RIMS1: variants seen among roughly 807,000 people sequenced by gnomAD.
RIMS1 encodes the protein regulating synaptic membrane exocytosis 1.
A neutral mutation model predicts 214.1 loss-of-function variants in RIMS1; 83 were observed. That is an observed-to-expected ratio of 0.39 (90% CI 0.32 to 0.47). RIMS1 has a LOEUF of 0.47. RIMS1 is among the 20% of genes least tolerant of loss of function. The pLI, the probability that RIMS1 is intolerant of heterozygous loss-of-function variation, is 0.99. For synonymous variants in RIMS1, 793 were observed against 786.8 expected (o/e 1.01, Z -0.13); for missense variants, 2,050 against 2,161.8 (o/e 0.95, Z 1.03).
At chr6:71,943,701 C>T (rs189363364) in intron 1 of RIMS1, among the ~76,000 whole-genome samples, 2 of 152,238 alleles carry the variant, frequency 1.3e-5, no homozygotes, top group African/African-American at 4.8e-5. Context: ...CTTTCAAAAG[C>T]AGCAGTTAAT....
intron 6 of RIMS1, among the ~76,000 whole-genome samples, chr6:72,186,852 C>T (rs894605593): frequency 4.6e-5 from 7 of 151,026 alleles, no homozygotes; most frequent in African/African-American, 1.5e-4. Context: ...TCATTCTGGC[C>T]GGGCGCAGTG....
intron 2 of RIMS1, among the ~76,000 whole-genome samples, chr6:72,057,179 A>G (rs981813511): frequency 6.6e-6 from 1 of 152,196 alleles, no homozygotes; most frequent in Non-Finnish European, 1.5e-5. Context: ...GTTAAAAAAA[A>G]TTCAAACTCA....
intron 4 of RIMS1, among the ~76,000 whole-genome samples, chr6:72,157,052 G>T (rs564475969): frequency 7.1e-6 from 1 of 140,196 alleles, no homozygotes; most frequent in African/African-American, 2.5e-5. Context: ...CAATCTGTCC[G>T]TACTTAGGAA....
At chr6:72,249,821 C>A (rs564540199) in intron 12 of RIMS1, among the ~76,000 whole-genome samples, 2 of 152,082 alleles carry the variant, frequency 1.3e-5, no homozygotes, top group Admixed American at 6.6e-5. Context: ...TAAACGGTGC[C>A]TGTATAAAAT....
chr6:72,168,989 A>G (rs1431656467), intron 4 of RIMS1, among the ~76,000 whole-genome samples: 4 of 152,124 alleles, frequency 2.6e-5, no homozygotes, highest in African/African-American at 4.8e-5. Flanking sequence ...AGTACTGGAC[A>G]AGAAAGTTTT....
At chr6:72,326,813 T>C (rs1564084175) in intron 28 of RIMS1, among the ~76,000 whole-genome samples, 2 of 151,718 alleles carry the variant, frequency 1.3e-5, no homozygotes, top group Admixed American at 6.6e-5. Context: ...AGGGAGCTTG[T>C]ACAAGGTTAT....
intron 1 of RIMS1, among the ~76,000 whole-genome samples, chr6:71,945,084 G>A (rs891324498): frequency 6.6e-6 from 1 of 152,116 alleles, no homozygotes; most frequent in African/African-American, 2.4e-5. Flanking sequence ...GAAAGAGATG[G>A]CATGGAAAAA....
intron 2 of RIMS1, among the ~76,000 whole-genome samples, chr6:71,994,089 GTTTGT>G (rs1218225236): frequency 6.6e-6 from 1 of 152,296 alleles, no homozygotes; most frequent in African/African-American, 2.4e-5. Context: ...GATGGTTATA[GTTTGT>G]TTTATCAAGA....
chr6:72,155,189 T>C (rs1274000486), intron 4 of RIMS1, among the ~76,000 whole-genome samples: 5 of 140,750 alleles, frequency 3.6e-5, no homozygotes, highest in African/African-American at 1.2e-4. Flanking sequence ...TAACATGCCC[T>C]GGAGACATTT....
At chr6:72,091,827 C>T (rs1836312124) in intron 2 of RIMS1, among the ~76,000 whole-genome samples, 2 of 152,128 alleles carry the variant, frequency 1.3e-5, no homozygotes, top group South Asian at 4.2e-4. Context: ...GATTTGTGAT[C>T]ATATATTTTG....
intron 26 of RIMS1, among the ~76,000 whole-genome samples, chr6:72,294,026 T>C (rs919406981): frequency 6.6e-6 from 1 of 151,588 alleles, no homozygotes; most frequent in Non-Finnish European, 1.5e-5. Flanking sequence ...GCATGTATTT[T>C]ATATATCTAT....
At chr6:72,370,072 G>A (rs1406020561) in intron 29 of RIMS1, among the ~76,000 whole-genome samples, 3 of 152,172 alleles carry the variant, frequency 2.0e-5, no homozygotes, top group Non-Finnish European at 4.4e-5. Context: ...AACTAAAATA[G>A]CACATAGTCA....
chr6:72,355,210 T>C (rs550875321), intron 29 of RIMS1, among the ~76,000 whole-genome samples: 3 of 152,304 alleles, frequency 2.0e-5, no homozygotes, highest in Non-Finnish European at 2.9e-5. Flanking sequence ...AGTCAATCCA[T>C]AGTTGATTTT....
chr6:72,314,217 A>T (rs1563939684), intron 28 of RIMS1, among the ~76,000 whole-genome samples: 1 of 152,132 alleles, frequency 6.6e-6, no homozygotes, highest in Non-Finnish European at 1.5e-5. Context: ...AAGGGAAAAG[A>T]CCCCAGACAT....
intron 26 of RIMS1, among the ~76,000 whole-genome samples, chr6:72,295,112 T>C (rs1208458830): frequency 1.3e-5 from 2 of 151,822 alleles, no homozygotes; most frequent in African/African-American, 4.8e-5. Context: ...GATTTAGAGA[T>C]GATTCACAAA....
At chr6:72,396,555 C>G (rs2098779756) in intron 31 of RIMS1, among the ~76,000 whole-genome samples, 1 of 152,044 alleles carries the variant, frequency 6.6e-6, no homozygotes, top group South Asian at 2.1e-4. Context: ...ATAGGAAAAC[C>G]AAGACCCCTA....
intron 2 of RIMS1, among the ~76,000 whole-genome samples, chr6:72,010,469 G>T (rs977028094): frequency 1.4e-4 from 22 of 152,188 alleles, no homozygotes; most frequent in Non-Finnish European, 3.2e-4. Context: ...AATGTTGGAA[G>T]TTCTGGCCAG....
chr6:72,042,664 T>C (rs1315444017), intron 2 of RIMS1, among the ~76,000 whole-genome samples: 1 of 151,942 alleles, frequency 6.6e-6, no homozygotes, highest in African/African-American at 2.4e-5. Context: ...GCATTTCTTT[T>C]CTAAGTTTTT....
At chr6:72,246,003 A>G in intron 11 of RIMS1, 142 bp downstream of exon 11, 1 of 569,860 alleles carries the variant, frequency 1.8e-6, no homozygotes, top group East Asian at 3.0e-5. Context: ...GTTGGCAATG[A>G]TGGCAATAAC....
Sources: allele counts gnomAD v4.1 joint callset (sites outside exome capture counted in the v4.1 genomes callset), GRCh38; gene constraint gnomAD v4.1.1; transcripts MANE v1.5; gene names NCBI Gene and HGNC (gene_info 2026-07-23, HGNC 2026-07-21).